CPED1: variants seen among roughly 807,000 people sequenced by gnomAD.
CPED1 encodes the protein cadherin-like and PC-esterase domain-containing protein 1.
A neutral mutation model predicts 128.2 loss-of-function variants in CPED1; 114 were observed. The ratio of observed to expected loss-of-function variants is 0.89; its 90% confidence interval spans 0.76 to 1.04. The LOEUF (loss-of-function observed/expected upper bound fraction) is 1.04, where lower values mean the gene tolerates loss of function less well. Ranked by LOEUF, CPED1 falls within the 50% of genes least tolerant of loss-of-function variation. CPED1 has a pLI of 0.00. For synonymous variants in CPED1, 462 were observed against 426.7 expected, an observed-to-expected ratio of 1.08 and a Z score of -1.02; for missense variants, 1,211 against 1,207.1, an observed-to-expected ratio of 1.00 and a Z score of -0.05.
At chr7:121,236,603 CTCCCTTTTA>C (rs1342349974) in intron 16 of CPED1, 102 bp from the exon 17 acceptor site, 1 of 531,240 alleles carries the variant, frequency 1.9e-6, no homozygotes, top group Non-Finnish European at 3.3e-6. Flanking sequence ...GGAATATTTG[CTCCCTTTTA>C]TCCATAAAGG....
intron 3 of CPED1, among the ~76,000 whole-genome samples, chr7:121,017,834 A>G (rs912916654): frequency 6.6e-6 from 1 of 152,212 alleles, no homozygotes; most frequent in Non-Finnish European, 1.5e-5. Context: ...TGAAGGCAAT[A>G]GAATATGGCA....
At chr7:121,228,167 A>G (rs1798059257) in intron 16 of CPED1, among the ~76,000 whole-genome samples, 1 of 152,108 alleles carries the variant, frequency 6.6e-6, no homozygotes, top group Admixed American at 6.6e-5. Flanking sequence ...TAATTAAACT[A>G]GAAAGCTTCT....
chr7:121,078,527 A>G (rs1794196622), intron 5 of CPED1, among the ~76,000 whole-genome samples: 1 of 134,564 alleles, frequency 7.4e-6, no homozygotes. Context: ...AAAAAAAAAG[A>G]CTTCTATTAT....
At chr7:121,158,566 CTT>C (rs78966935) in intron 16 of CPED1, among the ~76,000 whole-genome samples, 2 of 143,522 alleles carry the variant, frequency 1.4e-5, no homozygotes, top group Admixed American at 7.0e-5. Flanking sequence ...TATTAATCAT[CTT>C]TTTTTTTTTT....
At chr7:121,013,315 T>G (rs1007949408) in intron 2 of CPED1, among the ~76,000 whole-genome samples, 6 of 152,214 alleles carry the variant, frequency 3.9e-5, no homozygotes, top group African/African-American at 7.2e-5. Flanking sequence ...TTAAATGGTT[T>G]TCTCATCAAT....
intron 5 of CPED1, among the ~76,000 whole-genome samples, chr7:121,092,834 TG>T (rs1263528286): frequency 6.6e-6 from 1 of 152,210 alleles, no homozygotes; most frequent in African/African-American, 2.4e-5. Flanking sequence ...ATTTCAGCTC[TG>T]GTGCTGAGAC....
rs150865597 is a variant in CPED1 at position 121,285,343 on chromosome 7, C to T, written c.2869-10097C>T. 2.0e-3 allele frequency among the ~76,000 whole-genome samples: 304 copies of T among 152,324 alleles called. 1 individual carries two copies. The highest frequency in any genetic ancestry group is 7.1e-3 in the African/African-American group (296 of 41,578). On this transcript the variant is annotated intron_variant, in intron 22 of 22. Transcript: ENST00000310396. ...GAGGGGCTGCCATGAAGGTCTCTGACATGCCCTGTTGACATTTTCCCCATT... is the reference window on the plus strand; with the variant it reads ...GAGGGGCTGCCATGAAGGTCTCTGATATGCCCTGTTGACATTTTCCCCATT...
At position 121,128,430 on chromosome 7, in the gene CPED1, A is replaced by G; in HGVS notation, c.1351A>G (p.Ile451Val). 1 of 1,605,032 alleles carries G rather than the reference A, an allele frequency of 6.2e-7. No individual in the cohort carries two copies. The highest frequency in any genetic ancestry group is 1.1e-5 in the South Asian group (1 of 90,894). Reference protein sequence around the residue: ...ELNQCLSLEEINSIMTFIKEL... With the variant: ...ELNQCLSLEEVNSIMTFIKEL... ...AAATCAGTGTCTGTCCTTAGAAGAA[A>G]TTAACTCAATTATGACTTTCATAAA... is the stretch of plus-strand genomic sequence containing the variant. The change falls in exon 11 of 23, where the codon ATT (isoleucine) becomes GTT (valine). Residue 451 changes from isoleucine (I) to valine (V), a missense_variant. Transcript: ENST00000310396.
At chr7:121,074,952 A>G (rs1563015701) in intron 5 of CPED1, among the ~76,000 whole-genome samples, 1 of 152,112 alleles carries the variant, frequency 6.6e-6, no homozygotes, top group Non-Finnish European at 1.5e-5. Flanking sequence ...TCTTTTGTTT[A>G]CCATGGTCCA....
At chr7:121,089,418 C>A (rs1455541987) in intron 5 of CPED1, among the ~76,000 whole-genome samples, 1 of 151,962 alleles carries the variant, frequency 6.6e-6, no homozygotes, top group Non-Finnish European at 1.5e-5. Flanking sequence ...ACCAAAAATA[C>A]CAGGTAAAAA....
At chr7:121,035,412 T>A (rs1049613473) in intron 3 of CPED1, among the ~76,000 whole-genome samples, 4 of 152,230 alleles carry the variant, frequency 2.6e-5, no homozygotes, top group South Asian at 2.1e-4. Flanking sequence ...GGAAATATTT[T>A]AAAAATTTAA....
chr7:121,048,490 C>T (rs898108328), intron 4 of CPED1, among the ~76,000 whole-genome samples: 2 of 152,096 alleles, frequency 1.3e-5, no homozygotes, highest in African/African-American at 4.8e-5. Context: ...CTATTAATTG[C>T]CAATACTACT....
At chr7:121,203,066 C>T (rs555091081) in intron 16 of CPED1, among the ~76,000 whole-genome samples, 19 of 152,122 alleles carry the variant, frequency 1.2e-4, no homozygotes, top group Non-Finnish European at 2.8e-4. Context: ...AAATATGACA[C>T]ACCTGTCTCA....
rs78579079 is a variant in CPED1 at position 121,066,645 on chromosome 7, C to T, written c.616+2332C>T. On this transcript the variant is annotated intron_variant, in intron 5 of 22. Coordinates refer to ENST00000310396, the MANE Select transcript of CPED1 (RefSeq NM_024913.5). ...CTCACAAGCTTACAGGTCAACCTGT[C>T]TCAGTTTCATGGTTATTGGTAGAAG... Among the ~76,000 whole-genome samples, 1,400 of 152,206 alleles carry T rather than the reference C, an allele frequency of 9.2e-3. 26 individuals are homozygous for T. Among genetic ancestry groups the T allele is most frequent in the African/African-American group, 0.032 (1,338 of 41,548 alleles).
chr7:121,236,429 G>C (rs931952611), intron 16 of CPED1, among the ~76,000 whole-genome samples: 5 of 152,054 alleles, frequency 3.3e-5, no homozygotes, highest in Non-Finnish European at 5.9e-5. Flanking sequence ...ATTATAGTTT[G>C]TTTTGTTTTT....
At chr7:121,049,485 C>T (rs1563005863) in intron 4 of CPED1, among the ~76,000 whole-genome samples, 1 of 152,206 alleles carries the variant, frequency 6.6e-6, no homozygotes, top group Non-Finnish European at 1.5e-5. Flanking sequence ...TCCGAGCTAA[C>T]TGCTGGTCAA....
intron 2 of CPED1, among the ~76,000 whole-genome samples, chr7:121,008,847 A>T (rs1430376975): frequency 6.6e-6 from 1 of 152,176 alleles, no homozygotes; most frequent in Non-Finnish European, 1.5e-5. Flanking sequence ...GTTACCTAGA[A>T]AATGCTCAAA....
intron 5 of CPED1, 59 bp from the exon 6 acceptor site, chr7:121,097,640 A>G: frequency 6.3e-7 from 1 of 1,594,966 alleles, no homozygotes; most frequent in Non-Finnish European, 8.6e-7. Flanking sequence ...TCTATTTTCA[A>G]AGCAGTTCCA....
intron 20 of CPED1, 29 bp downstream of exon 20, chr7:121,266,837 A>G: frequency 1.3e-6 from 2 of 1,508,572 alleles, no homozygotes; most frequent in Admixed American, 1.7e-5. Context: ...AATTGTCATT[A>G]GTATTCTAAG....
Sources: gnomAD v4.1 joint callset for allele counts (sites outside exome capture counted in the v4.1 genomes callset) on GRCh38, gnomAD v4.1.1 for gene constraint, MANE v1.5 for transcripts, NCBI Gene and HGNC (gene_info 2026-07-23, HGNC 2026-07-21) for gene names.